The following DPYD variants were observed in gnomAD, a reference collection of about 807,000 sequenced individuals.
DPYD encodes the protein dihydropyrimidine dehydrogenase [NADP(+)].
A neutral mutation model predicts 116.2 loss-of-function variants in DPYD; 109 were observed. The observed-to-expected ratio is 0.94, with a 90% CI of 0.80 to 1.10. The LOEUF is 1.10. DPYD is among the 50% of genes least tolerant of loss of function. DPYD has a pLI of 0.00. For synonymous variants in DPYD, 440 were observed against 432.0 expected (o/e 1.02, Z -0.23); for missense variants, 1,302 against 1,254.5 (o/e 1.04, Z -0.57).
chr1:97,137,439 C>T (rs1653894898), intron 20 of DPYD, among the ~76,000 whole-genome samples: 1 of 152,196 alleles, frequency 6.6e-6, no homozygotes, highest in African/African-American at 2.4e-5. Flanking sequence ...CTATTTAGTA[C>T]ATTGTGTAGC....
chr1:97,772,893 G>A (rs1402307386), intron 3 of DPYD, among the ~76,000 whole-genome samples: 1 of 152,200 alleles, frequency 6.6e-6, no homozygotes, highest in Non-Finnish European at 1.5e-5. Flanking sequence ...CCAGATTTCT[G>A]AAGAGGATGG....
At chr1:97,501,102 C>G (rs1679547726) in intron 13 of DPYD, among the ~76,000 whole-genome samples, 1 of 151,910 alleles carries the variant, frequency 6.6e-6, no homozygotes, top group Non-Finnish European at 1.5e-5. Context: ...CTCTGAAACC[C>G]TGTACGACAT....
intron 11 of DPYD, among the ~76,000 whole-genome samples, chr1:97,565,801 A>G (rs545636555): frequency 6.6e-6 from 1 of 152,312 alleles, no homozygotes; most frequent in African/African-American, 2.4e-5. Flanking sequence ...TTGTGCATCA[A>G]GAAATGTTCA....
chr1:97,578,391 G>A (rs1158284882), intron 10 of DPYD, among the ~76,000 whole-genome samples: 5 of 151,822 alleles, frequency 3.3e-5, no homozygotes, highest in Non-Finnish European at 5.9e-5. Flanking sequence ...AGCCAAAACC[G>A]CACTGGGCAT....
At chr1:97,727,675 T>C (rs1256543412) in intron 4 of DPYD, among the ~76,000 whole-genome samples, 1 of 151,834 alleles carries the variant, frequency 6.6e-6, no homozygotes, top group Non-Finnish European at 1.5e-5. Context: ...CTTTGCAATC[T>C]ATCTATTACA....
At chr1:97,558,292 T>C (rs1305654692) in intron 11 of DPYD, among the ~76,000 whole-genome samples, 2 of 152,170 alleles carry the variant, frequency 1.3e-5, no homozygotes, top group East Asian at 1.9e-4. Context: ...AGTCAGCTAC[T>C]TCCCCCCAGC....
At chr1:97,574,051 T>C in intron 10 of DPYD, 81 bp from the exon 11 acceptor site, 2 of 1,562,724 alleles carry the variant, frequency 1.3e-6, no homozygotes, top group Non-Finnish European at 1.7e-6. Context: ...GAATTACACA[T>C]GCTAAAGCTT....
chr1:97,609,185 TA>T (rs1451733013), intron 8 of DPYD, among the ~76,000 whole-genome samples: 1 of 151,896 alleles, frequency 6.6e-6, no homozygotes, highest in Non-Finnish European at 1.5e-5. Flanking sequence ...CATTTGTAAA[TA>T]CGTTTATATT....
chr1:97,121,671 G>A (rs557584696), intron 20 of DPYD, among the ~76,000 whole-genome samples: 3 of 152,262 alleles, frequency 2.0e-5, no homozygotes, highest in African/African-American at 7.2e-5. Context: ...TACAAGAGCT[G>A]AACTTGGTAC....
intron 19 of DPYD, among the ~76,000 whole-genome samples, chr1:97,204,185 T>A (rs1192978106): frequency 6.6e-6 from 1 of 152,186 alleles, no homozygotes. Flanking sequence ...GGTTTGCATT[T>A]GTTAAAAGGA....
rs534965500 is a variant in DPYD, at chr1:97,083,090, T to C, written c.2767-620A>G. The stretch of plus-strand genomic sequence containing the variant: ...GCTCTTTTACTTTAAAGAACTAGAA[T>C]TTTCTTCATTCACCATTGAAGATCT... On this transcript the variant is annotated intron_variant, in intron 21 of 22. Coordinates refer to ENST00000370192, the MANE Select transcript of DPYD (RefSeq NM_000110.4). Among the ~76,000 whole-genome samples the C allele has an allele frequency of 2.0e-5, 3 of 152,288 alleles. No homozygotes were observed. In the East Asian group the frequency reaches 5.8e-4, roughly 29 times the overall value.
chr1:97,263,481 G>A (rs1046792867), intron 18 of DPYD, among the ~76,000 whole-genome samples: 2 of 152,016 alleles, frequency 1.3e-5, no homozygotes, highest in African/African-American at 4.8e-5. Context: ...AAAACAAATA[G>A]TTTACAATTT....
chr1:97,261,350 T>C (rs1180219580), intron 18 of DPYD, among the ~76,000 whole-genome samples: 3 of 152,040 alleles, frequency 2.0e-5, no homozygotes, highest in African/African-American at 4.8e-5. Flanking sequence ...ATTGTAAATA[T>C]ATGTATCTGC....
intron 20 of DPYD, among the ~76,000 whole-genome samples, chr1:97,103,408 A>C (rs926887585): frequency 6.6e-6 from 1 of 152,140 alleles, no homozygotes; most frequent in Non-Finnish European, 1.5e-5. Flanking sequence ...TCAAATTTGG[A>C]CAGTGGAACA....
intron 1 of DPYD, among the ~76,000 whole-genome samples, chr1:97,920,573 C>T (rs927789788): frequency 3.3e-5 from 5 of 152,188 alleles, no homozygotes; most frequent in Non-Finnish European, 5.9e-5. Context: ...TCTGGAACTC[C>T]AGTGCTTCTT....
At chr1:97,202,746 G>C (rs1194667380) in intron 19 of DPYD, among the ~76,000 whole-genome samples, 1 of 152,172 alleles carries the variant, frequency 6.6e-6, no homozygotes, top group Non-Finnish European at 1.5e-5. Flanking sequence ...CCTTGTATCT[G>C]TCCTTTACAA....
At chr1:97,352,752 G>A (rs1482378642) in intron 16 of DPYD, among the ~76,000 whole-genome samples, 2 of 152,072 alleles carry the variant, frequency 1.3e-5, no homozygotes, top group Non-Finnish European at 2.9e-5. Context: ...CGTGTTTGGG[G>A]TTCTTGGAAC....
At chr1:97,122,986 G>A (rs1652566185) in intron 20 of DPYD, among the ~76,000 whole-genome samples, 1 of 151,964 alleles carries the variant, frequency 6.6e-6, no homozygotes, top group Non-Finnish European at 1.5e-5. Flanking sequence ...TATACTCTCA[G>A]ATATTTTTCT....
Position 97,705,036 on chromosome 1 carries a change from CA to C in DPYD, c.484-5490del, listed in dbSNP as rs556610420. ...TCTTCAACCCTCCTTTATGGAGGTA[CA>C]ATTATCAGATCCATTTCCTAGGTAA... is the stretch of plus-strand genomic sequence containing the variant. On this transcript the variant is annotated intron_variant, in intron 5 of 22. Coordinates refer to ENST00000370192, the MANE Select transcript of DPYD (RefSeq NM_000110.4). Among the ~76,000 whole-genome samples the C allele has an allele frequency of 2.5e-3, 386 of 151,982 alleles. 1 individual carries two copies. Among genetic ancestry groups the C allele is most frequent in the Non-Finnish European group, 4.5e-3 (305 of 67,936 alleles).
Sources: allele counts gnomAD v4.1 joint callset (sites outside exome capture counted in the v4.1 genomes callset), GRCh38; gene constraint gnomAD v4.1.1; transcripts MANE v1.5; gene names NCBI Gene and HGNC (gene_info 2026-07-23, HGNC 2026-07-21).